RAB3IL1: variants seen among roughly 807,000 people sequenced by gnomAD.
RAB3IL1 encodes the protein guanine nucleotide exchange factor for Rab-3A.
A neutral mutation model predicts 49.2 loss-of-function variants in RAB3IL1; 37 were observed. The ratio of observed to expected loss-of-function variants is 0.75; its 90% CI spans 0.58 to 0.99. RAB3IL1 has a LOEUF of 0.99. RAB3IL1 is among the 50% of genes least tolerant of loss of function. The pLI is 0.00. For missense variants in RAB3IL1, 484 were observed against 513.0 expected, an observed-to-expected ratio of 0.94 and a Z score of 0.55; for synonymous variants, 193 against 213.9, an observed-to-expected ratio of 0.90 and a Z score of 0.85.
At chr11:61,899,694 G>A (rs992243159) in intron 8 of RAB3IL1, 1 of 358,238 alleles carries the variant, frequency 2.8e-6, no homozygotes. Context: ...CACGGAGATG[G>A]CGGAGCTAAT....
At chr11:61,922,650 G>A (rs1939933913), upstream of RAB3IL1, among the ~76,000 whole-genome samples, 1 of 152,122 alleles carries the variant, frequency 6.6e-6, no homozygotes, top group Middle Eastern at 3.2e-3. Context: ...TCTTCTTTCT[G>A]GTTAGCCTCT....
At chr11:61,924,378 A>G (rs184882994), upstream of RAB3IL1, among the ~76,000 whole-genome samples, 13 of 152,278 alleles carry the variant, frequency 8.5e-5, no homozygotes, top group East Asian at 2.5e-3. Flanking sequence ...TCAGTTCACA[A>G]AGCAAGCACA....
the RAB3IL1 span, among the ~76,000 whole-genome samples, chr11:61,944,073 C>T: frequency 6.6e-6 from 1 of 151,858 alleles, no homozygotes; most frequent in East Asian, 1.9e-4. Flanking sequence ...CCTCCCCTCC[C>T]CTCCCTTCCT....
chr11:61,902,690 C>T, intron 7 of RAB3IL1, 149 bp from the exon 8 acceptor site: 1 of 720,848 alleles, frequency 1.4e-6, no homozygotes, highest in Non-Finnish European at 2.3e-6. Context: ...GAACCCAGAG[C>T]CAGGCAGAGA....
At chr11:61,925,785 G>GA in the RAB3IL1 span, among the ~76,000 whole-genome samples, 1 of 151,036 alleles carries the variant, frequency 6.6e-6, no homozygotes, top group Admixed American at 6.6e-5. Context: ...TGGGGGACAG[G>GA]AAAAAAAAAG....
At chr11:61,905,523 G>A (rs997166313) in intron 5 of RAB3IL1, among the ~76,000 whole-genome samples, 2 of 152,294 alleles carry the variant, frequency 1.3e-5, no homozygotes, top group Middle Eastern at 3.4e-3. Context: ...GGAGAGCAGC[G>A]GGGCCAGCCC....
chr11:61,926,641 C>A, the RAB3IL1 span, among the ~76,000 whole-genome samples: 1 of 152,112 alleles, frequency 6.6e-6, no homozygotes, highest in Admixed American at 6.6e-5. Context: ...GCAACCTCTG[C>A]CTCCTGGGTT....
Position 61,917,441 on chromosome 11 carries a change from C to T in RAB3IL1, c.-74G>A. 2 of 1,183,040 alleles carry T rather than the reference C, an allele frequency of 1.7e-6. No homozygotes were observed. Among genetic ancestry groups the T allele is most frequent in the Non-Finnish European group, 2.1e-6 (2 of 958,582 alleles). The allele number at this position is 1,183,040 out of a possible 1,614,324, so 73.3% of individuals were successfully genotyped here. On this transcript the variant is annotated 5_prime_UTR_variant, in exon 1 of 10. Transcript: ENST00000394836. ...CTCCCAGCGCCGCGTCCCCGCCCGC[C>T]GCCGACTCCGCCAGGGGCCGAGCCG...
chr11:61,908,368 T>G (rs1939313710), intron 1 of RAB3IL1, 62 bp from the exon 2 acceptor site: 1 of 1,358,398 alleles, frequency 7.4e-7, no homozygotes, highest in African/African-American at 1.5e-5. Context: ...GAGAGCTGAG[T>G]CCAGAAACCG....
At chr11:61,938,797 G>A in the RAB3IL1 span, among the ~76,000 whole-genome samples, 1 of 151,996 alleles carries the variant, frequency 6.6e-6, no homozygotes, top group Non-Finnish European at 1.5e-5. Flanking sequence ...ATGGCAGTGT[G>A]TGCCTGTAAT....
intron 1 of RAB3IL1, among the ~76,000 whole-genome samples, chr11:61,911,529 C>T (rs1338321523): frequency 6.6e-6 from 1 of 152,172 alleles, no homozygotes; most frequent in African/African-American, 2.4e-5. Context: ...CTGTGAACAC[C>T]CAAGTCAGTG....
Position 61,904,649 on chromosome 11 carries a change from G to GCAC in RAB3IL1, c.793_795dup (p.Val265dup). ...TTGTCCTCCACGGCGGCCCGTACCA[G>GCAC]CACCGAGAGCTGTGGCAGACCAGGG... On this transcript the variant is annotated inframe_insertion, in exon 7 of 10. Coordinates refer to ENST00000394836, the MANE Select transcript of RAB3IL1 (RefSeq NM_013401.4). 1 of 1,610,418 alleles carries GCAC rather than the reference G, an allele frequency of 6.2e-7. No individual in the cohort carries two copies. The highest frequency in any genetic ancestry group is 8.5e-7 in the Non-Finnish European group (1 of 1,178,430).
At chr11:61,933,339 G>C in the RAB3IL1 span, among the ~76,000 whole-genome samples, 1 of 152,122 alleles carries the variant, frequency 6.6e-6, no homozygotes, top group African/African-American at 2.4e-5. Flanking sequence ...AAGAGGAAAA[G>C]GCACAAGATG....
upstream of RAB3IL1, among the ~76,000 whole-genome samples, chr11:61,920,649 C>T (rs1029942369): frequency 2.0e-5 from 3 of 152,346 alleles, no homozygotes; most frequent in East Asian, 3.9e-4. Context: ...ATTGGTGGGG[C>T]GCGGAGGCTC....
chr11:61,902,675 C>A, intron 7 of RAB3IL1, 134 bp from the exon 8 acceptor site: 1 of 789,666 alleles, frequency 1.3e-6, no homozygotes, highest in Non-Finnish European at 2.0e-6. Context: ...ACCCGGCTTC[C>A]AAAGGAACCC....
chr11:61,933,755 G>A, the RAB3IL1 span, among the ~76,000 whole-genome samples: 5 of 152,102 alleles, frequency 3.3e-5, no homozygotes, highest in East Asian at 7.7e-4. Context: ...GGTGGCTCAC[G>A]GCAACATGGC....
At chr11:61,905,990 G>A (rs1939162810) in intron 5 of RAB3IL1, among the ~76,000 whole-genome samples, 1 of 152,206 alleles carries the variant, frequency 6.6e-6, no homozygotes, top group Non-Finnish European at 1.5e-5. Context: ...GGCCACGCTT[G>A]TCTCAGCCCC....
upstream of RAB3IL1, among the ~76,000 whole-genome samples, chr11:61,921,501 G>C (rs1228285828): frequency 1.3e-5 from 2 of 152,000 alleles, no homozygotes; most frequent in African/African-American, 4.8e-5. Context: ...TTTCTCTTTT[G>C]TTCATACCCC....
rs749911356 is a variant in RAB3IL1 at position 61,904,787 on chromosome 11, G to T, written c.753C>A (p.Asp251Glu). ...CPFLERVYRE[D>E]VGPCLDFTMQ... The stretch of plus-strand genomic sequence containing the variant: ...TTGTGAAGTCCAGGCAGGGGCCCAC[G>T]TCCTCTCGGTACACCCTTTCCAGGA... Residue 251 changes from aspartate (D) to glutamate (E), a missense_variant, in exon 6 of 10, where the codon GAC (aspartate) becomes GAA (glutamate). Coordinates refer to ENST00000394836, the MANE Select transcript of RAB3IL1 (RefSeq NM_013401.4). 1.9e-6 allele frequency: 3 copies of T among 1,609,612 alleles called. No individual in the cohort carries two copies. The highest frequency in any genetic ancestry group is 2.7e-5 in the African/African-American group (2 of 74,928).
Sources: gnomAD v4.1 joint callset for allele counts (sites outside exome capture counted in the v4.1 genomes callset) on GRCh38, gnomAD v4.1.1 for gene constraint, MANE v1.5 for transcripts, NCBI Gene and HGNC (gene_info 2026-07-23, HGNC 2026-07-21) for gene names.